PITPNC1: variants seen among roughly 807,000 people sequenced by gnomAD.
The protein encoded by PITPNC1 is cytoplasmic phosphatidylinositol transfer protein 1.
In PITPNC1, 18 loss-of-function variants were observed where a neutral mutation model predicts 44.7. The observed-to-expected ratio is 0.40, with a 90% CI of 0.28 to 0.60. The LOEUF (loss-of-function observed/expected upper bound fraction) is 0.60. PITPNC1 is among the 20% of genes least tolerant of loss of function. The probability of loss-of-function intolerance (pLI) is 0.39; values close to 1 mark genes in which losing one functional copy is unlikely to be tolerated. For synonymous variants in PITPNC1, 141 were observed against 149.6 expected (o/e 0.94, Z 0.42); for missense variants, 290 against 418.4 (o/e 0.69, Z 2.68).
At chr17:67,472,332 TAAAAAAAAAAAAAAA>T (rs751090662) in intron 1 of PITPNC1, among the ~76,000 whole-genome samples, 10 of 41,418 alleles carry the variant, frequency 2.4e-4, no homozygotes, top group East Asian at 2.3e-3. Flanking sequence ...GCTGTTGAGC[TAAAAAAAAAAAAAAA>T]AAAAAAAAAA....
At chr17:67,665,522 G>C (rs1042450775) in intron 6 of PITPNC1, among the ~76,000 whole-genome samples, 7 of 152,132 alleles carry the variant, frequency 4.6e-5, no homozygotes, top group Non-Finnish European at 5.9e-5. Context: ...TTTCAAAGTG[G>C]CCACACTATT....
Position 67,378,131 on chromosome 17 carries a change from C to T in PITPNC1, c.-24C>T, listed in dbSNP as rs779023338. 2 of 1,523,750 alleles carry T rather than the reference C, an allele frequency of 1.3e-6. No homozygotes were observed. Among genetic ancestry groups the T allele is most frequent in the South Asian group, 2.4e-5 (2 of 81,734 alleles). 94.4% of individuals were successfully genotyped at this position (1,523,750 alleles called of 1,614,324 possible). ...TGGGGGCGCCCCCCGCTTCCCGCCC[C>T]GGGGGTCCGCGGCCGGCAGGACCAT... On this transcript the variant is annotated 5_prime_UTR_variant, in exon 1 of 9. Coordinates refer to ENST00000581322, the MANE Select transcript of PITPNC1 (RefSeq NM_012417.4).
At chr17:67,613,376 A>G (rs939150542) in intron 5 of PITPNC1, 1 of 152,224 alleles carries the variant, frequency 6.6e-6, no homozygotes, top group African/African-American at 2.4e-5. Context: ...AGTGTCTGAG[A>G]TATCCAGGAG....
rs11439767 is a variant in PITPNC1, at chr17:67,523,807, G to GT, written c.49-8972dup. Among the ~76,000 whole-genome samples the GT allele has an allele frequency of 1.6e-3, 199 of 125,816 alleles. 1 individual carries two copies. The highest frequency in any genetic ancestry group is 4.4e-3 in the African/African-American group (146 of 33,102). 82.5% of individuals were successfully genotyped at this position (125,816 alleles called of 152,430 possible). ...ACCAGCTCAGAAATACATGGAAACC[G>GT]TTTTTTTTTTTTTTTTTTTTTTTAA... On this transcript the variant is annotated intron_variant, in intron 1 of 8. Coordinates refer to ENST00000581322, the MANE Select transcript of PITPNC1 (RefSeq NM_012417.4).
At chr17:67,623,157 T>TCAG (rs2041855310) in intron 5 of PITPNC1, among the ~76,000 whole-genome samples, 1 of 150,498 alleles carries the variant, frequency 6.6e-6, no homozygotes, top group South Asian at 2.1e-4. Flanking sequence ...GATCAGTGGT[T>TCAG]TGGCTAGGCT....
At chr17:67,428,563 A>G (rs2143888499) in intron 1 of PITPNC1, among the ~76,000 whole-genome samples, 1 of 151,740 alleles carries the variant, frequency 6.6e-6, no homozygotes, top group East Asian at 1.9e-4. Context: ...GAAAGAAAGA[A>G]AACATACTGC....
chr17:67,534,643 AAAAAGAAAAG>A lies in PITPNC1; in HGVS notation c.197+1711_197+1720del, dbSNP rs150673350. 3.4e-3 allele frequency among the ~76,000 whole-genome samples: 519 copies of A among 152,036 alleles called. 3 individuals carry two copies. Among genetic ancestry groups the A allele is most frequent in the Middle Eastern group, 0.014 (4 of 292 alleles). On this transcript the variant is annotated intron_variant, in intron 2 of 8. Coordinates refer to ENST00000581322, the MANE Select transcript of PITPNC1 (RefSeq NM_012417.4). ...GACACAGTGAGACCTTGTCTCAAAA[AAAAAGAAAAG>A]AAAAGAAAAGAAAAGAATAAAGAAA...
chr17:67,585,577 C>A (rs181735317), intron 5 of PITPNC1, among the ~76,000 whole-genome samples: 4 of 151,974 alleles, frequency 2.6e-5, no homozygotes, highest in Admixed American at 6.6e-5. Flanking sequence ...CTGAGGCGGG[C>A]GGATCGCTTA....
chr17:67,402,157 GA>G (rs145627016), intron 1 of PITPNC1, among the ~76,000 whole-genome samples: 343 of 152,346 alleles, frequency 2.3e-3, no homozygotes, highest in African/African-American at 7.6e-3. Context: ...ACATGTAAAT[GA>G]ATAGGCGTGG....
chr17:67,528,130 T>A (rs2040413840), intron 1 of PITPNC1, among the ~76,000 whole-genome samples: 1 of 152,158 alleles, frequency 6.6e-6, no homozygotes, highest in Non-Finnish European at 1.5e-5. Flanking sequence ...CAACCTCCAC[T>A]TCCTGGGTTC....
At chr17:67,477,361 C>T (rs897968841) in intron 1 of PITPNC1, among the ~76,000 whole-genome samples, 1 of 151,736 alleles carries the variant, frequency 6.6e-6, no homozygotes, top group African/African-American at 2.4e-5. Flanking sequence ...ATTCTCCTGC[C>T]TCAGCCTCCC....
At chr17:67,644,136 G>A (rs373041464) in intron 6 of PITPNC1, among the ~76,000 whole-genome samples, 38 of 152,326 alleles carry the variant, frequency 2.5e-4, no homozygotes, top group Non-Finnish European at 3.8e-4. Flanking sequence ...CGGATGGCAC[G>A]TGTCTCTGCT....
intron 1 of PITPNC1, among the ~76,000 whole-genome samples, chr17:67,455,398 A>C (rs2039240648): frequency 6.6e-6 from 1 of 152,114 alleles, no homozygotes; most frequent in Non-Finnish European, 1.5e-5. Context: ...TAAATTACAA[A>C]ATTTAATCAC....
chr17:67,507,205 A>C (rs992222357), intron 1 of PITPNC1, among the ~76,000 whole-genome samples: 1 of 152,314 alleles, frequency 6.6e-6, no homozygotes, highest in Non-Finnish European at 1.5e-5. Context: ...TGAGCAGAGA[A>C]GCCACGCTGA....
At position 67,696,255 on chromosome 17, in the gene PITPNC1, A is replaced by G. The variant is rs1179920618; in HGVS notation, c.*3367A>G. The G allele has an allele frequency of 6.6e-6, 1 of 152,082 alleles. No individual in the cohort carries two copies. The highest frequency in any genetic ancestry group is 1.5e-5 in the Non-Finnish European group (1 of 68,034). 9.4% of individuals were successfully genotyped at this position (152,082 alleles called of 1,614,324 possible). A position where few individuals can be genotyped will look rare whatever the true frequency, so the allele number is the denominator to read the frequency against. The stretch of plus-strand genomic sequence containing the variant: ...TTCAAGACACTGTAATAAACAGTGA[A>G]CTAAGAGAATAGATTCTGATACATC... On this transcript the variant is annotated 3_prime_UTR_variant, in exon 9 of 9. Coordinates refer to ENST00000581322, the MANE Select transcript of PITPNC1 (RefSeq NM_012417.4).
intron 5 of PITPNC1, among the ~76,000 whole-genome samples, chr17:67,610,661 G>C (rs1001127563): frequency 6.6e-6 from 1 of 152,006 alleles, no homozygotes; most frequent in Admixed American, 6.6e-5. Flanking sequence ...GGTGGCTCAC[G>C]CCTGTAATCA....
intron 7 of PITPNC1, among the ~76,000 whole-genome samples, chr17:67,671,628 G>T (rs1466330324): frequency 1.3e-5 from 2 of 152,146 alleles, no homozygotes; most frequent in Non-Finnish European, 2.9e-5. Context: ...TGAGAGCCCT[G>T]GGTGTTTTCT....
chr17:67,580,905 G>T (rs2041222341), intron 5 of PITPNC1, among the ~76,000 whole-genome samples: 1 of 152,162 alleles, frequency 6.6e-6, no homozygotes, highest in Non-Finnish European at 1.5e-5. Context: ...AAATTAGCCA[G>T]GCGTGGTGGC....
intron 6 of PITPNC1, among the ~76,000 whole-genome samples, chr17:67,646,362 AAAGAAT>A (rs1294541121): frequency 3.9e-5 from 6 of 152,190 alleles, no homozygotes; most frequent in South Asian, 2.1e-4. Context: ...AATACCCAAG[AAAGAAT>A]AAGTGTTATT....
Sources: gnomAD v4.1 joint callset for allele counts (sites outside exome capture counted in the v4.1 genomes callset) on GRCh38, gnomAD v4.1.1 for gene constraint, MANE v1.5 for transcripts, NCBI Gene and HGNC (gene_info 2026-07-23, HGNC 2026-07-21) for gene names.